The following TNIK variants were observed in gnomAD, a reference collection of about 807,000 sequenced individuals.
TNIK encodes the protein TRAF2 and NCK interacting kinase, also known as TRAF2 and NCK-interacting protein kinase.
TNIK carries 49 observed loss-of-function variants against 191.3 expected under a neutral mutation model. The ratio of observed to expected loss-of-function variants is 0.26; its 90% CI spans 0.20 to 0.32. The LOEUF is 0.32. Ranked by LOEUF, TNIK falls within the 10% of genes least tolerant of loss-of-function variation. The pLI, the probability that TNIK is intolerant of heterozygous loss-of-function variation, is 1.00. For missense variants in TNIK, 1,155 were observed against 1,702.3 expected (o/e 0.68, Z 5.66); for synonymous variants, 594 against 600.9 (o/e 0.99, Z 0.17).
chr3:171,409,913 T>C (rs1434086569), intron 1 of TNIK, among the ~76,000 whole-genome samples: 2 of 151,852 alleles, frequency 1.3e-5, no homozygotes, highest in Non-Finnish European at 2.9e-5. Flanking sequence ...TTTGTAGGCT[T>C]TTCCTACCTA....
chr3:171,349,878 GTA>G (rs1413389144), intron 2 of TNIK, among the ~76,000 whole-genome samples: 2 of 152,126 alleles, frequency 1.3e-5, no homozygotes, highest in Admixed American at 6.6e-5. Context: ...GGCTTTTTTT[GTA>G]TGTCTTAAAA....
At chr3:171,365,533 C>A (rs981457620) in intron 2 of TNIK, among the ~76,000 whole-genome samples, 2 of 151,964 alleles carry the variant, frequency 1.3e-5, no homozygotes, top group African/African-American at 2.4e-5. Context: ...TTTTAAATAG[C>A]TCTAGAGGTA....
intron 31 of TNIK, 47 bp downstream of exon 31, chr3:171,066,524 GTTTCA>G: frequency 6.6e-7 from 1 of 1,515,506 alleles, no homozygotes; most frequent in Non-Finnish European, 8.9e-7. Flanking sequence ...CTTGATTTTC[GTTTCA>G]TTTGGGGGGT....
At chr3:171,330,036 T>C (rs1424979467) in intron 2 of TNIK, among the ~76,000 whole-genome samples, 1 of 152,240 alleles carries the variant, frequency 6.6e-6, no homozygotes, top group Admixed American at 6.5e-5. Context: ...TACTCAATTA[T>C]GCAACTTCCA....
intron 2 of TNIK, among the ~76,000 whole-genome samples, chr3:171,367,764 C>T (rs1308106801): frequency 6.6e-6 from 1 of 152,158 alleles, no homozygotes; most frequent in Non-Finnish European, 1.5e-5. Flanking sequence ...GCCACCGCAC[C>T]TGGCCAGGCC....
chr3:171,125,981 A>G lies in TNIK; in HGVS notation c.1944T>C (p.Pro648=). The change falls in exon 17 of 33, where the codon CCT becomes CCC. Residue 648 remains proline (P), a synonymous_variant. Transcript: ENST00000436636. The part of the protein sequence containing the change: ...QNSDPTSENP[P]LPTRIEKFDR... The stretch of plus-strand genomic sequence containing the variant: ...CAAACTTTTCAATGCGAGTGGGGAG[A>G]GGAGGATTTTCCGAGGTGGGATCTG... 1 of 1,613,800 alleles carries G rather than the reference A, an allele frequency of 6.2e-7. No homozygotes were observed. The highest frequency in any genetic ancestry group is 8.5e-7 in the Non-Finnish European group (1 of 1,179,886).
At chr3:171,304,385 A>C (rs1317299589) in intron 2 of TNIK, among the ~76,000 whole-genome samples, 1 of 152,176 alleles carries the variant, frequency 6.6e-6, no homozygotes, top group African/African-American at 2.4e-5. Flanking sequence ...GATGTGGAGA[A>C]ATAGGAACAC....
intron 24 of TNIK, among the ~76,000 whole-genome samples, chr3:171,086,543 G>A (rs1721378142): frequency 6.6e-6 from 1 of 152,172 alleles, no homozygotes; most frequent in African/African-American, 2.4e-5. Flanking sequence ...ATATCACTGT[G>A]TTCTTTTCCT....
In TNIK at chr3:171,074,496, C is replaced by T. The variant is rs1361926322; in HGVS notation, c.3449-3173G>A. On this transcript the variant is annotated intron_variant, in intron 28 of 32. Coordinates refer to ENST00000436636, the MANE Select transcript of TNIK (RefSeq NM_015028.4). The stretch of plus-strand genomic sequence containing the variant: ...TGAAACAAACCTGCATATGTACCCC[C>T]TGGATCTAAAATAAATTTTAAAAAG... 4.6e-5 allele frequency among the ~76,000 whole-genome samples: 7 copies of T among 151,894 alleles called. No individual in the cohort carries two copies. The East Asian group carries it at 1.3e-3, about 29-fold the overall frequency.
At chr3:171,347,602 T>C (rs1306958747) in intron 2 of TNIK, among the ~76,000 whole-genome samples, 4 of 152,158 alleles carry the variant, frequency 2.6e-5, no homozygotes, top group Non-Finnish European at 5.9e-5. Flanking sequence ...ATAAAGATCC[T>C]TGAATTTAGC....
At position 171,194,521 on chromosome 3, in the gene TNIK, C is replaced by T. The variant is rs1560243569; in HGVS notation, c.417+4G>A. 2 of 1,613,196 alleles carry T rather than the reference C, an allele frequency of 1.2e-6. No homozygotes were observed. The highest frequency in any genetic ancestry group is 1.1e-5 in the South Asian group (1 of 90,972). On this transcript the variant is annotated splice_donor_region_variant and intron_variant, in intron 5 of 32. Transcript: ENST00000436636. The stretch of plus-strand genomic sequence containing the variant: ...AGGTGGGCCAGTCCCCACTCGTAAC[C>T]TACCCGTAAGATTTCCCTGCAGATG...
At chr3:171,091,933 A>G (rs1722120010) in intron 23 of TNIK, among the ~76,000 whole-genome samples, 1 of 138,942 alleles carries the variant, frequency 7.2e-6, no homozygotes, top group Non-Finnish European at 1.6e-5. Flanking sequence ...GGCAAATGCT[A>G]TTTTCTTTCT....
At chr3:171,388,395 T>G (rs1719017746) in intron 1 of TNIK, among the ~76,000 whole-genome samples, 1 of 152,254 alleles carries the variant, frequency 6.6e-6, no homozygotes, top group African/African-American at 2.4e-5. Context: ...CTTTAAAATG[T>G]AGTAACTTAC....
chr3:171,317,188 A>G (rs1298899638), intron 2 of TNIK, among the ~76,000 whole-genome samples: 1 of 152,052 alleles, frequency 6.6e-6, no homozygotes, highest in Non-Finnish European at 1.5e-5. Flanking sequence ...ACCTGTAACA[A>G]AGCAGTTGTT....
At chr3:171,164,874 A>G (rs1303438230) in intron 10 of TNIK, among the ~76,000 whole-genome samples, 2 of 152,184 alleles carry the variant, frequency 1.3e-5, no homozygotes, top group African/African-American at 4.8e-5. Flanking sequence ...CCAGCTCCTT[A>G]GGGTCTAATT....
intron 11 of TNIK, among the ~76,000 whole-genome samples, chr3:171,160,345 C>T (rs1384872175): frequency 6.6e-6 from 1 of 152,096 alleles, no homozygotes; most frequent in African/African-American, 2.4e-5. Context: ...TGGTATCTGG[C>T]TCATTCTAGC....
intron 12 of TNIK, among the ~76,000 whole-genome samples, chr3:171,153,081 T>C (rs2108688935): frequency 6.6e-6 from 1 of 152,294 alleles, no homozygotes; most frequent in South Asian, 2.1e-4. Flanking sequence ...GCCAAAACTA[T>C]GTTTTAAATA....
At chr3:171,067,865 G>C (rs546962596) in intron 30 of TNIK, among the ~76,000 whole-genome samples, 7 of 152,122 alleles carry the variant, frequency 4.6e-5, no homozygotes, top group Non-Finnish European at 1.0e-4. Context: ...TGTGAGCTGT[G>C]AGTCCTTGTG....
At chr3:171,169,833 A>G (rs1168550741) in intron 9 of TNIK, among the ~76,000 whole-genome samples, 1 of 152,224 alleles carries the variant, frequency 6.6e-6, no homozygotes, top group Non-Finnish European at 1.5e-5. Flanking sequence ...ATTCAAGAGA[A>G]TAACTTTGGG....
Sources: allele counts gnomAD v4.1 joint callset (sites outside exome capture counted in the v4.1 genomes callset), GRCh38; gene constraint gnomAD v4.1.1; transcripts MANE v1.5; gene names NCBI Gene and HGNC (gene_info 2026-07-23, HGNC 2026-07-21).